Variants in PHACTR2 observed in about 807,000 individuals in gnomAD.
PHACTR2 encodes the protein phosphatase and actin regulator 2.
In PHACTR2, 30 loss-of-function variants were observed where a neutral mutation model predicts 76.0. The observed-to-expected ratio is 0.39, with a 90% CI of 0.30 to 0.54. The LOEUF is 0.54. Ranked by LOEUF, PHACTR2 falls within the 20% of genes least tolerant of loss-of-function variation. PHACTR2 has a pLI of 0.61. For synonymous variants in PHACTR2, 292 were observed against 292.5 expected, an observed-to-expected ratio of 1.00 and a Z score of 0.02; for missense variants, 696 against 781.1, an observed-to-expected ratio of 0.89 and a Z score of 1.30.
rs779297717 is a variant in PHACTR2 at position 143,765,673 on chromosome 6, C to T, written c.1107C>T (p.Ser369=). ...CAGACACTCCAGTTGTCCTCGTCAG[C>T]GTTGGAGCTGACCTGCCCGTCTCTG... ...TASDTPVVLV[S]VGADLPVSAL... is the part of the protein sequence containing the mutation. The change falls in exon 6 of 13, where the codon AGC becomes AGT. Residue 369 remains serine (S), a synonymous_variant. Coordinates refer to ENST00000440869, the MANE Select transcript of PHACTR2 (RefSeq NM_001100164.2). This position sits in a 1 kb window ranked among gnomAD's most constrained non-coding sequence, Gnocchi z 4.1. The T allele has an allele frequency of 9.3e-6, 15 of 1,614,024 alleles. No individual in the cohort carries two copies. The highest frequency in any genetic ancestry group is 1.6e-4 in the Middle Eastern group (1 of 6,084).
At position 143,695,656 on chromosome 6, in the gene PHACTR2, T is replaced by G. The variant is rs879698679; in HGVS notation, c.47-16360T>G. Among the ~76,000 whole-genome samples the G allele has an allele frequency of 6.6e-6, 1 of 152,210 alleles. No homozygotes were observed. The highest frequency in any genetic ancestry group is 6.5e-5 in the Admixed American group (1 of 15,292). The stretch of plus-strand genomic sequence containing the variant: ...TAAACAGAGGGCCCTTTGATAATGA[T>G]TTCTTAGCCAGTCCAGTGGATAACA... On this transcript the variant is annotated intron_variant, in intron 1 of 12. Transcript: ENST00000440869. The surrounding 1 kb of genome is among the most constrained non-coding windows in gnomAD (Gnocchi z 4.4).
In PHACTR2 at chr6:143,755,179, T is replaced by G; in HGVS notation, c.454+1267T>G. ...CAAATTATGAAATTAACTAATACTT[T>G]CAATGATAATATTCCTGGAACATAA... On this transcript the variant is annotated intron_variant, in intron 4 of 12. Coordinates refer to ENST00000440869, the MANE Select transcript of PHACTR2 (RefSeq NM_001100164.2). This position sits in a 1 kb window ranked among gnomAD's most constrained non-coding sequence, Gnocchi z 5.2. The G allele has an allele frequency of 2.3e-6, 1 of 438,164 alleles. No individual in the cohort carries two copies. Among genetic ancestry groups the G allele is most frequent in the Non-Finnish European group, 4.6e-6 (1 of 216,498 alleles). 27.1% of individuals were successfully genotyped at this position (438,164 alleles called of 1,614,324 possible).
intron 1 of PHACTR2, among the ~76,000 whole-genome samples, chr6:143,569,435 T>G (rs9386034): frequency 0.61 from 93,181 of 151,994 alleles, 28,902 homozygotes; most frequent in Middle Eastern, 0.72. Flanking sequence ...AAGCCAATGA[T>G]ATCTGGGGAT....
intron 1 of PHACTR2, among the ~76,000 whole-genome samples, chr6:143,669,696 C>T (rs1777112116): frequency 6.9e-6 from 1 of 145,362 alleles, no homozygotes. Flanking sequence ...GATTGCAACC[C>T]CTGCTTTTTT....
intron 2 of PHACTR2, among the ~76,000 whole-genome samples, chr6:143,716,530 G>T (rs1406152241): frequency 7.9e-5 from 12 of 152,148 alleles, no homozygotes; most frequent in Admixed American, 7.9e-4. Flanking sequence ...GTAGAGATGG[G>T]GTTTCACCAT....
chr6:143,764,785 A>AC lies in PHACTR2; in HGVS notation c.695-472dup, dbSNP rs1779518204. Among the ~76,000 whole-genome samples, 1 of 152,108 alleles carries AC rather than the reference A, an allele frequency of 6.6e-6. No individual in the cohort carries two copies. On this transcript the variant is annotated intron_variant, in intron 5 of 12. Coordinates refer to ENST00000440869, the MANE Select transcript of PHACTR2 (RefSeq NM_001100164.2). This position sits in a 1 kb window ranked among gnomAD's most constrained non-coding sequence, Gnocchi z 4.7. Reference sequence around the variant, plus strand: ...TGACCCAGAAAGAAGCTGGATATATACCCCAGTCTCTTCTGAATACAGGCC... The same window carrying AC: ...TGACCCAGAAAGAAGCTGGATATATACCCCCAGTCTCTTCTGAATACAGGCC...
chr6:143,590,619 T>C (rs6940564), intron 1 of PHACTR2, among the ~76,000 whole-genome samples: 149,159 of 151,862 alleles, frequency 0.98, 73,266 homozygotes, highest in East Asian at 1. Context: ...AAACACCAAA[T>C]GAACACCATT....
Position 143,562,358 on chromosome 6 carries a change from C to A in PHACTR2, c.217+25151C>A, listed in dbSNP as rs9321919. On this transcript the variant is annotated intron_variant, in intron 1 of 11. Coordinates refer to the PHACTR2 transcript ENST00000367584. The surrounding 1 kb of genome is among the most constrained non-coding windows in gnomAD (Gnocchi z 5.1). ...GGCTGGAAAGCAAAGGGGAAGCAGG[C>A]CCGTCACATGGCCAGAGCAGGAGCA... Among the ~76,000 whole-genome samples, 2 of 151,844 alleles carry A rather than the reference C, an allele frequency of 1.3e-5. No individual in the cohort carries two copies. Among genetic ancestry groups the A allele is most frequent in the Non-Finnish European group, 2.9e-5 (2 of 67,980 alleles).
chr6:143,732,402 A>C (rs139381560), intron 2 of PHACTR2, among the ~76,000 whole-genome samples: 2,025 of 152,346 alleles, frequency 0.013, 47 homozygotes, highest in African/African-American at 0.046. Context: ...TATGACTGAT[A>C]TCTTTCACTT....
rs1252707557 is a variant in PHACTR2, at chr6:143,671,964, A to AT, written c.14-40050dup. ...ATCAAAAACATATGAAACAAGCCAG[A>AT]TTAAAAAAAACTGTACATAATATTA... On this transcript the variant is annotated intron_variant, in intron 1 of 11. Transcript: ENST00000305766. The surrounding 1 kb of genome is among the most constrained non-coding windows in gnomAD (Gnocchi z 4.6). Among the ~76,000 whole-genome samples, 7 of 147,162 alleles carry AT rather than the reference A, an allele frequency of 4.8e-5. No individual in the cohort carries two copies. Among genetic ancestry groups the AT allele is most frequent in the Middle Eastern group, 3.6e-3 (1 of 278 alleles).
rs1776374697 is a variant in PHACTR2 at position 143,819,886 on chromosome 6, A to G, written c.1923-3788A>G. Reference sequence around the variant, plus strand: ...AATACCTGAGACTAGGTAATTTATAAGAAAACAGGTTTAATTGGCTCACAG... The same window carrying G: ...AATACCTGAGACTAGGTAATTTATAGGAAAACAGGTTTAATTGGCTCACAG... On this transcript the variant is annotated intron_variant, in intron 12 of 12. Transcript: ENST00000440869. The surrounding 1 kb of genome is among the most constrained non-coding windows in gnomAD (Gnocchi z 5.0). 6.6e-6 allele frequency among the ~76,000 whole-genome samples: 1 copy of G among 152,182 alleles called. No homozygotes were observed. The highest frequency in any genetic ancestry group is 1.5e-5 in the Non-Finnish European group (1 of 68,026).
intron 2 of PHACTR2, among the ~76,000 whole-genome samples, chr6:143,726,487 ACTTT>A (rs1200103664): frequency 6.6e-6 from 1 of 152,142 alleles, no homozygotes; most frequent in Non-Finnish European, 1.5e-5. Flanking sequence ...GAATTTGACT[ACTTT>A]AGATCCCTCA....
intron 1 of PHACTR2, among the ~76,000 whole-genome samples, chr6:143,651,687 TA>T (rs756518637): frequency 2.0e-5 from 3 of 151,720 alleles, no homozygotes; most frequent in Non-Finnish European, 2.9e-5. Flanking sequence ...TGGGGCCTGT[TA>T]GGGGGTGGGA....
In PHACTR2 at chr6:143,663,868, T is replaced by C. The variant is rs1776987082; in HGVS notation, c.14-48148T>C. ...GATCTAGTGTTAAATCAATGTACAG[T>C]TGCCATTTTCTTGAGTACAAGTCTC... On this transcript the variant is annotated intron_variant, in intron 1 of 11. Transcript: ENST00000305766. The surrounding 1 kb of genome is among the most constrained non-coding windows in gnomAD (Gnocchi z 4.1). Among the ~76,000 whole-genome samples the C allele has an allele frequency of 6.6e-6, 1 of 152,192 alleles. No individual in the cohort carries two copies. Among genetic ancestry groups the C allele is most frequent in the East Asian group, 1.9e-4 (1 of 5,204 alleles).
At position 143,617,031 on chromosome 6, in the gene PHACTR2, CAGGAGCCTTTGA is replaced by C. The variant is rs1776069366; in HGVS notation, c.13+8713_13+8724del. On this transcript the variant is annotated intron_variant, in intron 1 of 11. Transcript: ENST00000305766. This position sits in a 1 kb window ranked among gnomAD's most constrained non-coding sequence, Gnocchi z 4.8. The stretch of plus-strand genomic sequence containing the variant: ...GCTTGGCCTCTGTCCTACCAGCTTT[CAGGAGCCTTTGA>C]AGGGTTTTACGAGACTGGGAAGAAT... Among the ~76,000 whole-genome samples, 1 of 152,186 alleles carries C rather than the reference CAGGAGCCTTTGA, an allele frequency of 6.6e-6. No individual in the cohort carries two copies. The highest frequency in any genetic ancestry group is 2.1e-4 in the South Asian group (1 of 4,828).
At chr6:143,744,462 G>A (rs1032512858) in intron 2 of PHACTR2, among the ~76,000 whole-genome samples, 2 of 152,320 alleles carry the variant, frequency 1.3e-5, no homozygotes, top group East Asian at 1.9e-4. Flanking sequence ...AGGAGGTGAC[G>A]ATGGGTTTTG....
intron 1 of PHACTR2, among the ~76,000 whole-genome samples, chr6:143,545,526 A>G (rs986653442): frequency 2.0e-5 from 3 of 152,048 alleles, no homozygotes; most frequent in Admixed American, 2.0e-4. Context: ...ACATGATCAC[A>G]CTCTATAGCA....
chr6:143,756,421 C>T lies in PHACTR2; in HGVS notation c.454+2509C>T, dbSNP rs546521574. On this transcript the variant is annotated intron_variant, in intron 4 of 12. Transcript: ENST00000440869. ...ATATATAAGAGCAGAAAAGGCCGGG[C>T]GCCGTGGCTCACGCCTGTAATCCCA... 3.3e-5 allele frequency among the ~76,000 whole-genome samples: 5 copies of T among 152,264 alleles called. No homozygotes were observed. In the East Asian group the frequency reaches 9.7e-4, roughly 29 times the overall value.
At chr6:143,568,911 C>T (rs1439716262) in intron 1 of PHACTR2, among the ~76,000 whole-genome samples, 3 of 152,174 alleles carry the variant, frequency 2.0e-5, no homozygotes, top group East Asian at 3.8e-4. Flanking sequence ...AGTAGATCAA[C>T]AGGCACATTT....
Sources: allele counts gnomAD v4.1 joint callset (sites outside exome capture counted in the v4.1 genomes callset), GRCh38; gene constraint gnomAD v4.1.1; non-coding constraint Gnocchi (gnomAD v3.1); transcripts MANE v1.5; gene names NCBI Gene and HGNC (gene_info 2026-07-23, HGNC 2026-07-21).